OAS2: variants seen among roughly 807,000 people sequenced by gnomAD.
The protein encoded by OAS2 is 2'-5'-oligoadenylate synthase 2.
A neutral mutation model predicts 71.3 loss-of-function variants in OAS2; 67 were observed. The ratio of observed to expected loss-of-function variants is 0.94; its 90% CI spans 0.77 to 1.15. The LOEUF is 1.15. Ranked by LOEUF, OAS2 falls within the 50% of genes most tolerant of loss-of-function variation. The pLI, the probability that OAS2 is intolerant of heterozygous loss-of-function variation, is 0.00. For missense variants in OAS2, 789 were observed against 822.5 expected (o/e 0.96, Z 0.50); for synonymous variants, 327 against 321.8 (o/e 1.02, Z -0.17).
chr12:113,007,624 G>A (rs2044345939), intron 8 of OAS2, 81 bp from the exon 9 acceptor site: 1 of 1,119,616 alleles, frequency 8.9e-7, no homozygotes, highest in African/African-American at 1.5e-5. Flanking sequence ...CTGTGACTCA[G>A]TTGCCTTGCT....
intron 7 of OAS2, among the ~76,000 whole-genome samples, chr12:113,005,812 G>C (rs2044326981): frequency 6.7e-6 from 1 of 149,760 alleles, no homozygotes; most frequent in African/African-American, 2.5e-5. Flanking sequence ...GATTGCTTGA[G>C]CCCAGGAGAT....
chr12:112,979,141 A>G (rs1034195072), intron 1 of OAS2, among the ~76,000 whole-genome samples: 2 of 152,234 alleles, frequency 1.3e-5, no homozygotes, highest in African/African-American at 2.4e-5. Flanking sequence ...TCCACAGTAC[A>G]GAGGAGTAAA....
Position 112,989,167 on chromosome 12 carries a change from T to C in OAS2, c.448+1859T>C, listed in dbSNP as rs565523193. 8.5e-5 allele frequency among the ~76,000 whole-genome samples: 13 copies of C among 152,308 alleles called. No homozygotes were observed. In the South Asian group the frequency reaches 1.2e-3, roughly 15 times the overall value. ...ATGGAGGCAGGTATTTCCCATGCTG[T>C]TCTCATGATAATGAATAAATCTCAC... On this transcript the variant is annotated intron_variant, in intron 2 of 9. Coordinates refer to ENST00000392583, the MANE Select transcript of OAS2 (RefSeq NM_002535.3).
Position 113,000,842 on chromosome 12 carries a change from G to A in OAS2, c.1009-2090G>A, listed in dbSNP as rs193156420. 4.3e-4 allele frequency among the ~76,000 whole-genome samples: 65 copies of A among 152,306 alleles called. No homozygotes were observed. The East Asian group carries it at 7.1e-3, about 17-fold the overall frequency. On this transcript the variant is annotated intron_variant, in intron 5 of 9. Coordinates refer to ENST00000392583, the MANE Select transcript of OAS2 (RefSeq NM_002535.3). ...AATGAATATTCCTTCAATAGGCACC[G>A]TCCTCAGCAACTATAAGGCCAACTT...
At chr12:113,003,808 C>T (rs753828154) in intron 6 of OAS2, among the ~76,000 whole-genome samples, 1 of 152,170 alleles carries the variant, frequency 6.6e-6, no homozygotes, top group Admixed American at 6.5e-5. Flanking sequence ...TTATTATGTA[C>T]GCGTAAATTT....
At chr12:113,000,740 C>T (rs957760077) in intron 5 of OAS2, among the ~76,000 whole-genome samples, 4 of 152,194 alleles carry the variant, frequency 2.6e-5, no homozygotes, top group African/African-American at 9.7e-5. Context: ...CACATGCACA[C>T]ACATGCACTC....
chr12:112,997,841 T>A, intron 4 of OAS2, 86 bp downstream of exon 4: 2 of 1,135,612 alleles, frequency 1.8e-6, no homozygotes, highest in Non-Finnish European at 2.4e-6. Context: ...AGCCTTGCCC[T>A]ATCAAGCCAG....
chr12:112,995,475 G>GT lies in OAS2; in HGVS notation c.627+2dup. 1 of 1,610,788 alleles carries GT rather than the reference G, an allele frequency of 6.2e-7. No homozygotes were observed. The highest frequency in any genetic ancestry group is 8.5e-7 in the Non-Finnish European group (1 of 1,178,856). On this transcript the variant is annotated splice_donor_variant, in intron 3 of 9. Transcript: ENST00000392583. LOFTEE classifies it high-confidence loss of function. Reference sequence around the variant, plus strand: ...CTTGATAAAGCACTGGCATCAACAGGTAATTTTCCAACTGTCTATATATGG... The same window carrying GT: ...CTTGATAAAGCACTGGCATCAACAGGTTAATTTTCCAACTGTCTATATATGG...
Position 113,005,027 on chromosome 12 carries a change from A to G in OAS2, c.1273A>G (p.Lys425Glu). The change falls in exon 7 of 10, where the codon AAA becomes GAA. Residue 425 changes from lysine to glutamate, a missense_variant. Lys to Glu is a moderately conservative substitution (Grantham distance 56). Coordinates refer to ENST00000392583, the MANE Select transcript of OAS2 (RefSeq NM_002535.3). ...CTCACTTAAAAGCTACACCTCCCAA[A>G]AAAACGAGCGGCACAAAATCGTCAA... ...HNSLKSYTSQ[K>E]NERHKIVKEI... 1.2e-6 allele frequency: 2 copies of G among 1,614,180 alleles called. No individual in the cohort carries two copies. Among genetic ancestry groups the G allele is most frequent in the Non-Finnish European group, 1.7e-6 (2 of 1,180,012 alleles).
chr12:112,996,471 C>T (rs1006282644), intron 3 of OAS2, among the ~76,000 whole-genome samples: 4 of 152,010 alleles, frequency 2.6e-5, no homozygotes, highest in African/African-American at 7.3e-5. Context: ...CCAAATTATA[C>T]TCCCATCAGC....
At chr12:113,009,017 T>C in intron 9 of OAS2, 70 bp from the exon 10 acceptor site, 1 of 1,558,256 alleles carries the variant, frequency 6.4e-7, no homozygotes, top group Non-Finnish European at 8.6e-7. Context: ...GAAAGTATTA[T>C]AGGATGGACC....
At chr12:112,995,045 T>C (rs2044222180) in intron 2 of OAS2, among the ~76,000 whole-genome samples, 1 of 152,250 alleles carries the variant, frequency 6.6e-6, no homozygotes, top group African/African-American at 2.4e-5. Context: ...GTCCCTCCAT[T>C]AGGTTCTGCT....
At chr12:112,988,938 T>C (rs766670737) in intron 2 of OAS2, 2 of 162,834 alleles carry the variant, frequency 1.2e-5, no homozygotes, top group Non-Finnish European at 2.6e-5. Flanking sequence ...TCAATCTATT[T>C]AGAAAGTATA....
intron 4 of OAS2, 59 bp from the exon 5 acceptor site, chr12:112,998,207 C>T: frequency 6.3e-7 from 1 of 1,576,598 alleles, no homozygotes; most frequent in Non-Finnish European, 8.6e-7. Flanking sequence ...TTCCCCAAAA[C>T]AGATTTTGCC....
At position 113,009,134 on chromosome 12, in the gene OAS2, G is replaced by A; in HGVS notation, c.1943G>A (p.Gly648Glu). Residue 648 changes from glycine to glutamate, a missense_variant, in exon 10 of 10, where the codon GGG becomes GAG. Gly to Glu is a moderately conservative substitution (Grantham distance 98). Coordinates refer to ENST00000392583, the MANE Select transcript of OAS2 (RefSeq NM_002535.3). Reference protein sequence around the residue: ...PAEPTGDVGGGDRWCWHLLAK... With the variant: ...PAEPTGDVGGEDRWCWHLLAK... ...GAACCCACAGGTGACGTGGGTGGAG[G>A]GGACCGTTGGTGTTGGCATCTTCTG... 6.2e-7 allele frequency: 1 copy of A among 1,613,984 alleles called. No individual in the cohort carries two copies.
chr12:113,002,669 C>T (rs765290465), intron 5 of OAS2, among the ~76,000 whole-genome samples: 12 of 152,112 alleles, frequency 7.9e-5, no homozygotes, highest in Admixed American at 2.6e-4. Context: ...TCTGTCTGGA[C>T]AAGGATCCAG....
chr12:112,991,440 G>T (rs896431582), intron 2 of OAS2, among the ~76,000 whole-genome samples: 2 of 152,230 alleles, frequency 1.3e-5, no homozygotes, highest in African/African-American at 2.4e-5. Flanking sequence ...TGCCCAAGGC[G>T]CTCAGAGCAC....
intron 2 of OAS2, among the ~76,000 whole-genome samples, chr12:112,989,548 C>T (rs1387596142): frequency 6.6e-6 from 1 of 152,114 alleles, no homozygotes; most frequent in Non-Finnish European, 1.5e-5. Context: ...GAGTTATCAT[C>T]AATAGAAGGG....
At chr12:112,983,266 C>A (rs1287451982) in intron 1 of OAS2, among the ~76,000 whole-genome samples, 1 of 151,986 alleles carries the variant, frequency 6.6e-6, no homozygotes, top group African/African-American at 2.4e-5. Flanking sequence ...GCTTTTGTTG[C>A]CCAAGCTGGA....
Sources: gnomAD v4.1 joint callset for allele counts (sites outside exome capture counted in the v4.1 genomes callset) on GRCh38, gnomAD v4.1.1 for gene constraint, MANE v1.5 for transcripts, NCBI Gene and HGNC (gene_info 2026-07-23, HGNC 2026-07-21) for gene names.